The following INO80D variants were observed in gnomAD, a reference collection of about 807,000 sequenced individuals.
The protein encoded by INO80D is INO80 complex subunit D.
Under a neutral mutation model 87.6 loss-of-function variants are expected in INO80D, and 21 were observed. That is an observed-to-expected ratio of 0.24 (90% CI 0.17 to 0.35). The LOEUF is 0.35. Among genes scored for constraint, INO80D ranks in the 10% least tolerant of loss-of-function variants. INO80D has a pLI of 1.00. For missense variants in INO80D, 982 were observed against 1,280.7 expected (o/e 0.77, Z 3.56); for synonymous variants, 440 against 491.0 (o/e 0.90, Z 1.37).
rs1687776146 is a variant in INO80D at position 205,994,636 on chromosome 2, TCTTA to T, written c.*9728_*9731del. 1 of 152,202 alleles carries T rather than the reference TCTTA, an allele frequency of 6.6e-6. No individual in the cohort carries two copies. The highest frequency in any genetic ancestry group is 2.4e-5 in the African/African-American group (1 of 41,464). 9.4% of individuals were successfully genotyped at this position (152,202 alleles called of 1,614,324 possible). A position where few individuals can be genotyped will look rare whatever the true frequency, so the allele number is the denominator to read the frequency against. ...TCTCTATTTTAGTCTTCAGGAGTAC[TCTTA>T]CTTCACTGTTTTTTGTAACATCTTA... On this transcript the variant is annotated 3_prime_UTR_variant, in exon 11 of 11. Transcript: ENST00000403263.
At chr2:206,044,553 T>C (rs1008124707) in intron 5 of INO80D, among the ~76,000 whole-genome samples, 2 of 143,246 alleles carry the variant, frequency 1.4e-5, no homozygotes, top group Non-Finnish European at 3.0e-5. Context: ...ATCGTAGTAA[T>C]CAAAGAGGAA....
At chr2:206,016,158 G>A (rs1688313476) in intron 8 of INO80D, among the ~76,000 whole-genome samples, 1 of 148,468 alleles carries the variant, frequency 6.7e-6, no homozygotes, top group South Asian at 2.2e-4. Context: ...AAACAGCCAG[G>A]AGAGGGGCTA....
chr2:206,040,270 A>G (rs1437912857), intron 5 of INO80D, among the ~76,000 whole-genome samples: 4 of 131,698 alleles, frequency 3.0e-5, no homozygotes, highest in Non-Finnish European at 6.3e-5. Flanking sequence ...TGGGTGACAG[A>G]GTGCGACTCT....
chr2:206,049,603 T>C (rs1689293642), intron 4 of INO80D, among the ~76,000 whole-genome samples: 1 of 152,180 alleles, frequency 6.6e-6, no homozygotes, highest in African/African-American at 2.4e-5. Flanking sequence ...AAGCAAACCT[T>C]TGATCTTGGC....
chr2:206,072,710 A>G (rs867398162), intron 1 of INO80D, among the ~76,000 whole-genome samples: 17 of 152,198 alleles, frequency 1.1e-4, no homozygotes, highest in African/African-American at 4.1e-4. Context: ...GCTATCATTA[A>G]CCACAAATAT....
At chr2:206,021,708 G>T (rs891908730) in intron 6 of INO80D, among the ~76,000 whole-genome samples, 10 of 152,098 alleles carry the variant, frequency 6.6e-5, no homozygotes, top group Non-Finnish European at 1.5e-5. Context: ...CACCTCCCGG[G>T]TTCAGGTGAT....
chr2:206,040,628 G>C (rs1689022584), intron 5 of INO80D: 1 of 240,832 alleles, frequency 4.2e-6, no homozygotes, highest in Admixed American at 4.5e-5. Context: ...ATTACCAGGA[G>C]GTCAAAGATC....
Position 206,002,495 on chromosome 2 carries a change from CAT to C in INO80D, c.*1871_*1872del, listed in dbSNP as rs1687922941. ...TTAAAAAAACTAAATATATTACAAA[CAT>C]ATTTTTGGCCCACAAAAAGAAACAT... On this transcript the variant is annotated 3_prime_UTR_variant, in exon 11 of 11. Coordinates refer to ENST00000403263, the MANE Select transcript of INO80D (RefSeq NM_017759.5). The C allele has an allele frequency of 6.6e-6, 1 of 152,130 alleles. No homozygotes were observed. The highest frequency in any genetic ancestry group is 2.4e-5 in the African/African-American group (1 of 41,440). 9.4% of individuals were successfully genotyped at this position (152,130 alleles called of 1,614,324 possible).
At chr2:206,043,669 A>G (rs544844756) in intron 5 of INO80D, among the ~76,000 whole-genome samples, 69 of 151,828 alleles carry the variant, frequency 4.5e-4, no homozygotes, top group African/African-American at 1.6e-3. Flanking sequence ...TTCTATTTTT[A>G]GTAGAGACGG....
At chr2:206,052,791 C>CAAA (rs34135960) in intron 4 of INO80D, among the ~76,000 whole-genome samples, 3 of 139,274 alleles carry the variant, frequency 2.2e-5, no homozygotes, top group Non-Finnish European at 3.1e-5. Context: ...GAACCTGTCT[C>CAAA]AAAAAAAAAA....
rs985112322 is a variant in INO80D, at chr2:206,063,011, A to G, written c.6T>C (p.Tyr2=). ...CAGAGAAGTGTATATGTTTCCCTTC[A>G]TACATCACGTGACTCTATTCCTTGT... M[Y]EGKHIHFSEV... Residue 2 remains tyrosine (Y), a synonymous_variant, in exon 3 of 11, where the codon TAT becomes TAC. Coordinates refer to ENST00000403263, the MANE Select transcript of INO80D (RefSeq NM_017759.5). The G allele has an allele frequency of 6.2e-7, 1 of 1,607,610 alleles. No individual in the cohort carries two copies. The highest frequency in any genetic ancestry group is 1.1e-5 in the South Asian group (1 of 90,490).
chr2:206,024,096 G>C (rs903307565), intron 6 of INO80D, among the ~76,000 whole-genome samples: 6 of 152,100 alleles, frequency 3.9e-5, no homozygotes, highest in Non-Finnish European at 2.9e-5. Flanking sequence ...GTATACACTT[G>C]AAAGCATTAT....
rs1310963359 is a variant in INO80D, at chr2:206,063,199, G to C, written c.-78C>G. 1.7e-6 allele frequency: 1 copy of C among 596,640 alleles called. No homozygotes were observed. The highest frequency in any genetic ancestry group is 1.9e-5 in the African/African-American group (1 of 52,176). The allele number at this position is 596,640 out of a possible 1,614,324, so 37.0% of individuals were successfully genotyped here. ...TAGCAATGTTAAGAGAACCCCCAAG[G>C]ATACCACAGTTTGGAATGCCGCAGA... On this transcript the variant is annotated 5_prime_UTR_variant, in exon 2 of 11. In the 5' UTR this introduces an upstream ATG that the reference lacks. Coordinates refer to ENST00000403263, the MANE Select transcript of INO80D (RefSeq NM_017759.5).
chr2:206,010,434 T>C (rs928676319), intron 8 of INO80D, among the ~76,000 whole-genome samples: 3 of 152,190 alleles, frequency 2.0e-5, no homozygotes, highest in African/African-American at 7.2e-5. Context: ...TAAATAAGTC[T>C]TTTAAAAGCT....
In INO80D at chr2:206,001,550, A is replaced by G. The variant is rs1687908205; in HGVS notation, c.*2818T>C. 1 of 152,186 alleles carries G rather than the reference A, an allele frequency of 6.6e-6. No individual in the cohort carries two copies. Among genetic ancestry groups the G allele is most frequent in the African/African-American group, 2.4e-5 (1 of 41,446 alleles). 9.4% of individuals were successfully genotyped at this position (152,186 alleles called of 1,614,324 possible). A position where few individuals can be genotyped will look rare whatever the true frequency, so the allele number is the denominator to read the frequency against. On this transcript the variant is annotated 3_prime_UTR_variant, in exon 11 of 11. Coordinates refer to ENST00000403263, the MANE Select transcript of INO80D (RefSeq NM_017759.5). ...GCTATTTTAAAAGATACTAATTTTC[A>G]TATTTCTGGAGTAAAAGCCACTTCA...
chr2:206,038,602 T>A (rs1405630002), intron 5 of INO80D, among the ~76,000 whole-genome samples: 1 of 151,834 alleles, frequency 6.6e-6, no homozygotes, highest in African/African-American at 2.4e-5. Flanking sequence ...GAGACCGAGG[T>A]GGGAGGATAG....
chr2:206,084,289 AG>A (rs1682531855), intron 1 of INO80D, among the ~76,000 whole-genome samples: 1 of 151,256 alleles, frequency 6.6e-6, no homozygotes, highest in South Asian at 2.1e-4. Context: ...AAACCAAAGT[AG>A]TTTTGCTAGG....
chr2:206,043,332 C>T (rs549043951), intron 5 of INO80D, among the ~76,000 whole-genome samples: 5 of 151,996 alleles, frequency 3.3e-5, no homozygotes, highest in South Asian at 4.2e-4. Context: ...CCACCACACC[C>T]GATTAATTTT....
Position 206,056,497 on chromosome 2 carries a change from G to A in INO80D, c.665C>T (p.Pro222Leu). The A allele has an allele frequency of 6.2e-7, 1 of 1,613,736 alleles. No individual in the cohort carries two copies. Among genetic ancestry groups the A allele is most frequent in the African/African-American group, 1.3e-5 (1 of 75,028 alleles). The stretch of plus-strand genomic sequence containing the variant: ...GCAGACTGAACCCTGCGGTGGCGCT[G>A]GAGGTTTTAAAGAAGTAGATAAAGG... Reference protein sequence around the residue: ...LSPLSTSLKPPAPPQGSVCKS... With the variant: ...LSPLSTSLKPLAPPQGSVCKS... The change falls in exon 4 of 11, where the codon CCA (proline) becomes CTA (leucine). Residue 222 changes from proline (P) to leucine (L), a missense_variant. Transcript: ENST00000403263.
Sources: gnomAD v4.1 joint callset for allele counts (sites outside exome capture counted in the v4.1 genomes callset) on GRCh38, gnomAD v4.1.1 for gene constraint, MANE v1.5 for transcripts, NCBI Gene and HGNC (gene_info 2026-07-23, HGNC 2026-07-21) for gene names.